The following STYXL2 variants were observed in gnomAD, a reference collection of about 807,000 sequenced individuals.
STYXL2 encodes serine/threonine/tyrosine-interacting-like protein 2.
In STYXL2, 44 loss-of-function variants were observed where a neutral mutation model predicts 52.4. The ratio of observed to expected loss-of-function variants is 0.84; its 90% CI spans 0.66 to 1.08. STYXL2 has a LOEUF of 1.08. STYXL2 is among the 50% of genes least tolerant of loss of function. STYXL2 has a pLI of 0.00. For missense variants in STYXL2, 1,604 were observed against 1,471.7 expected, an observed-to-expected ratio of 1.09 and a Z score of -1.47; for synonymous variants, 604 against 586.9, an observed-to-expected ratio of 1.03 and a Z score of -0.42.
rs1247833592 is a variant in STYXL2 at position 167,119,361 on chromosome 1, A to T, written c.550A>T (p.Ile184Phe). 6.2e-7 allele frequency: 1 copy of T among 1,614,182 alleles called. No individual in the cohort carries two copies. The change falls in exon 5 of 6, where the codon ATC (isoleucine) becomes TTC (phenylalanine). Residue 184 changes from isoleucine to phenylalanine, a missense_variant. Physicochemically the swap from Ile to Phe is conservative, Grantham distance 21 (BLOSUM62 0). Transcript: ENST00000361200. Reference sequence around the variant, plus strand: ...CCCCGAATTCTACACTGGCCTGGAGATCCAGTACCTGGGTGTAGAGGTGGA... The same window carrying T: ...CCCCGAATTCTACACTGGCCTGGAGTTCCAGTACCTGGGTGTAGAGGTGGA... ...TGPEFYTGLE[I>F]QYLGVEVDDF...
intron 2 of STYXL2, among the ~76,000 whole-genome samples, chr1:167,108,861 G>T (rs1667559368): frequency 6.6e-6 from 1 of 152,230 alleles, no homozygotes; most frequent in Non-Finnish European, 1.5e-5. Context: ...AAGTGTGAGA[G>T]GGGGAAAGTC....
At chr1:167,099,268 T>C (rs1412273262) in intron 2 of STYXL2, among the ~76,000 whole-genome samples, 1 of 151,762 alleles carries the variant, frequency 6.6e-6, no homozygotes, top group Non-Finnish European at 1.5e-5. Context: ...ACTGATAAAA[T>C]AAAAAAAATC....
chr1:167,107,341 G>A (rs1667525750), intron 2 of STYXL2, among the ~76,000 whole-genome samples: 1 of 152,144 alleles, frequency 6.6e-6, no homozygotes, highest in African/African-American at 2.4e-5. Context: ...CAGATTCTAG[G>A]GCAGTAGACA....
At chr1:167,120,820 T>A (rs1667836411) in intron 5 of STYXL2, among the ~76,000 whole-genome samples, 1 of 107,506 alleles carries the variant, frequency 9.3e-6, no homozygotes, top group African/African-American at 3.4e-5. Context: ...TATGTGTGCG[T>A]GTAAATTACA....
Position 167,126,445 on chromosome 1 carries a change from C to A in STYXL2, c.1314C>A (p.Ser438Arg). 1.3e-6 allele frequency: 2 copies of A among 1,578,254 alleles called. No individual in the cohort carries two copies. The highest frequency in any genetic ancestry group is 1.7e-6 in the Non-Finnish European group (2 of 1,162,748). ...GRRRRTLSES[S>R]AWESVSSHDI... The stretch of plus-strand genomic sequence containing the variant: ...GGCGGCGCACCCTGAGCGAGAGCAG[C>A]GCCTGGGAGAGCGTGAGCAGCCACG... The change falls in exon 6 of 6, where the codon AGC becomes AGA. Residue 438 changes from serine to arginine, a missense_variant. Physicochemically the swap from Ser to Arg is moderately radical, Grantham distance 110. Transcript: ENST00000361200.
At chr1:167,109,268 C>T (rs1257636664) in intron 2 of STYXL2, among the ~76,000 whole-genome samples, 1 of 152,202 alleles carries the variant, frequency 6.6e-6, no homozygotes, top group Non-Finnish European at 1.5e-5. Context: ...GCTTTCTCCT[C>T]AGGGAGGCTT....
rs145280256 is a variant in STYXL2 at position 167,125,836 on chromosome 1, G to A, written c.705G>A (p.Leu235=). ...SEMGISRSAV[L]VVAYLMIFHN... ...TGGGCATCAGCCGGTCAGCAGTGCTGGTGGTCGCCTACCTGATGATCTTCC... is the reference window on the plus strand; with the variant it reads ...TGGGCATCAGCCGGTCAGCAGTGCTAGTGGTCGCCTACCTGATGATCTTCC... Residue 235 remains leucine, a synonymous_variant, in exon 6 of 6, where the codon CTG becomes CTA. Transcript: ENST00000361200. 5.6e-6 allele frequency: 9 copies of A among 1,613,266 alleles called. No individual in the cohort carries two copies. The East Asian group carries it at 2.0e-4, about 36-fold the overall frequency.
chr1:167,121,631 G>A (rs1341649804), intron 5 of STYXL2, among the ~76,000 whole-genome samples: 2 of 152,258 alleles, frequency 1.3e-5, no homozygotes, highest in Non-Finnish European at 2.9e-5. Flanking sequence ...GGTGCCAGGA[G>A]CCGCGAGGGC....
At chr1:167,113,955 A>T (rs1667671950) in intron 3 of STYXL2, 151 bp downstream of exon 3, 1 of 677,060 alleles carries the variant, frequency 1.5e-6, no homozygotes, top group Non-Finnish European at 2.7e-6. Context: ...TGCCAACCCT[A>T]CCTCCTCAAC....
Position 167,119,314 on chromosome 1 carries a change from A to G in STYXL2, c.503A>G (p.His168Arg), listed in dbSNP as rs569398575. ...ATCACCCACATTCTGAATGCTGCGCATGGCACCGGCGTTTACACTGGCCCC... is the reference window on the plus strand; with the variant it reads ...ATCACCCACATTCTGAATGCTGCGCGTGGCACCGGCGTTTACACTGGCCCC... ...LGITHILNAA[H>R]GTGVYTGPEF... The change falls in exon 5 of 6, where the codon CAT (histidine) becomes CGT (arginine). Residue 168 changes from histidine (H) to arginine (R), a missense_variant. Transcript: ENST00000361200. The G allele has an allele frequency of 2.0e-5, 33 of 1,614,162 alleles. No homozygotes were observed. Among genetic ancestry groups the G allele is most frequent in the East Asian group, 1.6e-4 (7 of 44,868 alleles).
intron 5 of STYXL2, among the ~76,000 whole-genome samples, chr1:167,122,331 C>G (rs1667873692): frequency 1.3e-5 from 2 of 152,124 alleles, no homozygotes; most frequent in Non-Finnish European, 2.9e-5. Flanking sequence ...TCTTCTTTCT[C>G]TCTCTACTTC....
In STYXL2 at chr1:167,117,426, GAGA is replaced by G; in HGVS notation, c.308_310del (p.Lys103del). 1 of 1,612,800 alleles carries G rather than the reference GAGA, an allele frequency of 6.2e-7. No homozygotes were observed. The highest frequency in any genetic ancestry group is 8.5e-7 in the Non-Finnish European group (1 of 1,179,512). ...GGAGGACCTGTACAACCGCGTCAGGGAGAAGATGGATGACACCAGCCTCTATAA... is the reference window on the plus strand; with the variant it reads ...GGAGGACCTGTACAACCGCGTCAGGGAGATGGATGACACCAGCCTCTATAA... On this transcript the variant is annotated inframe_deletion, in exon 4 of 6. Transcript: ENST00000361200.
At chr1:167,121,417 C>T (rs1667855234) in intron 5 of STYXL2, among the ~76,000 whole-genome samples, 1 of 152,264 alleles carries the variant, frequency 6.6e-6, no homozygotes, top group African/African-American at 2.4e-5. Context: ...CTCGCAGGTC[C>T]TGGAGCGCAC....
Position 167,114,723 on chromosome 1 carries a change from G to A in STYXL2, c.205+919G>A, listed in dbSNP as rs572875919. 3.3e-5 allele frequency among the ~76,000 whole-genome samples: 5 copies of A among 152,250 alleles called. No individual in the cohort carries two copies. In the East Asian group the frequency reaches 9.6e-4, roughly 29 times the overall value. On this transcript the variant is annotated intron_variant, in intron 3 of 5. Transcript: ENST00000361200. Reference sequence around the variant, plus strand: ...CTCACTGTTCTGGGCACTCTAGGAGGCCCCATCTTCTCAAAGACCCATCTG... The same window carrying A: ...CTCACTGTTCTGGGCACTCTAGGAGACCCCATCTTCTCAAAGACCCATCTG...
At chr1:167,125,304 G>A (rs558438317) in intron 5 of STYXL2, among the ~76,000 whole-genome samples, 29 of 152,270 alleles carry the variant, frequency 1.9e-4, no homozygotes, top group Admixed American at 1.4e-3. Context: ...GAGCTAATGA[G>A]CTCCCTGTCA....
In STYXL2 at chr1:167,127,030, C is replaced by G. The variant is rs769590965; in HGVS notation, c.1899C>G (p.Ser633Arg). The change falls in exon 6 of 6, where the codon AGC becomes AGG. Residue 633 changes from serine to arginine, a missense_variant. Physicochemically the swap from Ser to Arg is moderately radical, Grantham distance 110. Coordinates refer to ENST00000361200, the MANE Select transcript of STYXL2 (RefSeq NM_001080426.3). Reference sequence around the variant, plus strand: ...GGAGGCTGGAGCTGCTGGAGAGAAGCCGGCAGACGCTGGAGGAGAGCCAGT... The same window carrying G: ...GGAGGCTGGAGCTGCTGGAGAGAAGGCGGCAGACGCTGGAGGAGAGCCAGT... ...RQRRLELLER[S>R]RQTLEESQSM... 1 of 1,606,600 alleles carries G rather than the reference C, an allele frequency of 6.2e-7. No individual in the cohort carries two copies. Among genetic ancestry groups the G allele is most frequent in the East Asian group, 2.2e-5 (1 of 44,766 alleles).
At chr1:167,119,907 T>G (rs184791091) in intron 5 of STYXL2, among the ~76,000 whole-genome samples, 1,638 of 152,214 alleles carry the variant, frequency 0.011, 21 homozygotes, top group Non-Finnish European at 0.016. Context: ...ATGGGAGAAC[T>G]GGAAGAAGAG....
chr1:167,128,221 A>T lies in STYXL2; in HGVS notation c.3090A>T (p.Ser1030=). The part of the protein sequence containing the change: ...KFSRSTYNET[S]SSREESPEPY... The stretch of plus-strand genomic sequence containing the variant: ...CCAGGTCCACGTACAACGAGACCTC[A>T]AGTTCCCGAGAGGAGAGCCCAGAGC... Residue 1030 remains serine, a synonymous_variant, in exon 6 of 6, where the codon TCA becomes TCT. Transcript: ENST00000361200. 6.2e-7 allele frequency: 1 copy of T among 1,613,882 alleles called. No individual in the cohort carries two copies. Among genetic ancestry groups the T allele is most frequent in the Non-Finnish European group, 8.5e-7 (1 of 1,179,764 alleles).
In STYXL2 at chr1:167,094,921, G is replaced by A. The variant is rs141002436; in HGVS notation, c.72G>A (p.Ala24=). Residue 24 remains alanine, a synonymous_variant, in exon 2 of 6, where the codon GCG becomes GCA. Coordinates refer to ENST00000361200, the MANE Select transcript of STYXL2 (RefSeq NM_001080426.3). ...PSEEDEANVR[A]VQAHYLRSPS... is the part of the protein sequence containing the mutation. ...AGGAGGACGAAGCCAACGTGAGGGCGGTGCAGGCCCACTACCTCCGAAGCC... is the reference window on the plus strand; with the variant it reads ...AGGAGGACGAAGCCAACGTGAGGGCAGTGCAGGCCCACTACCTCCGAAGCC... 57 of 1,611,624 alleles carry A rather than the reference G, an allele frequency of 3.5e-5. No homozygotes were observed. In the East Asian group the frequency reaches 4.0e-4, roughly 11 times the overall value.
Sources: gnomAD v4.1 joint callset for allele counts (sites outside exome capture counted in the v4.1 genomes callset) on GRCh38, gnomAD v4.1.1 for gene constraint, MANE v1.5 for transcripts, NCBI Gene and HGNC (gene_info 2026-07-23, HGNC 2026-07-21) for gene names.